Variants in GFPT2 observed in about 807,000 individuals in gnomAD.
GFPT2 encodes glutamine--fructose-6-phosphate aminotransferase [isomerizing] 2.
Under a neutral mutation model 85.6 loss-of-function variants are expected in GFPT2, and 62 were observed. That is an observed-to-expected ratio of 0.72 (90% CI 0.59 to 0.90). GFPT2 has a LOEUF of 0.90. Among genes scored for constraint, GFPT2 ranks in the 40% least tolerant of loss-of-function variants. GFPT2 has a pLI of 0.00. For synonymous variants in GFPT2, 368 were observed against 344.5 expected (o/e 1.07, Z -0.75); for missense variants, 788 against 893.4 (o/e 0.88, Z 1.50).
rs548098525 is a variant in GFPT2, at chr5:180,340,970, C to T, written c.8-2370G>A. ...GGAACAAACTCTCAGGCCACAACAG[C>T]GACTCGCCTCACTGAGAAGTCCCTG... On this transcript the variant is annotated intron_variant, in intron 1 of 18. Transcript: ENST00000253778. Among the ~76,000 whole-genome samples, 678 of 152,266 alleles carry T rather than the reference C, an allele frequency of 4.5e-3. 7 individuals are homozygous for T. The highest frequency in any genetic ancestry group is 0.015 in the African/African-American group (633 of 41,556).
intron 7 of GFPT2, among the ~76,000 whole-genome samples, chr5:180,325,969 G>A (rs1464586114): frequency 6.6e-6 from 1 of 152,212 alleles, no homozygotes; most frequent in Admixed American, 6.5e-5. Flanking sequence ...AGGTTGCAAT[G>A]AGCCGAGATC....
intron 13 of GFPT2, among the ~76,000 whole-genome samples, chr5:180,314,766 G>A (rs1227940391): frequency 6.6e-6 from 1 of 152,150 alleles, no homozygotes; most frequent in Non-Finnish European, 1.5e-5. Flanking sequence ...GTGAGGGTGC[G>A]GGAAAGGGGG....
intron 15 of GFPT2, among the ~76,000 whole-genome samples, chr5:180,309,749 A>T (rs1261343246): frequency 6.6e-6 from 1 of 151,926 alleles, no homozygotes; most frequent in Non-Finnish European, 1.5e-5. Flanking sequence ...CCATTTCATC[A>T]TAAAGGATAT....
chr5:180,307,048 A>G (rs1445715672), intron 16 of GFPT2, 128 bp downstream of exon 16: 1 of 697,788 alleles, frequency 1.4e-6, no homozygotes, highest in Non-Finnish European at 2.4e-6. Context: ...GCAGGCTCAC[A>G]GGACTGGCCA....
intron 1 of GFPT2, among the ~76,000 whole-genome samples, chr5:180,342,096 A>G (rs1764527736): frequency 6.6e-6 from 1 of 150,846 alleles, no homozygotes; most frequent in African/African-American, 2.4e-5. Flanking sequence ...CCCTGCACAC[A>G]CTCTCTTCTC....
intron 13 of GFPT2, among the ~76,000 whole-genome samples, chr5:180,314,696 C>T (rs1319541767): frequency 6.6e-6 from 1 of 152,174 alleles, no homozygotes; most frequent in African/African-American, 2.4e-5. Context: ...CCCAATTCTC[C>T]TCTGCTTTTC....
At chr5:180,351,621 G>T (rs902195998) in intron 1 of GFPT2, among the ~76,000 whole-genome samples, 1 of 152,218 alleles carries the variant, frequency 6.6e-6, no homozygotes, top group Non-Finnish European at 1.5e-5. Context: ...GAAGATACAG[G>T]TGGTCACACC....
Position 180,353,321 on chromosome 5 carries a change from T to A in GFPT2, c.-104A>T. 1.2e-6 allele frequency: 1 copy of A among 867,266 alleles called. No individual in the cohort carries two copies. The allele number at this position is 867,266 out of a possible 1,614,324, so 53.7% of individuals were successfully genotyped here. ...CGTGGGCTCCGTGGGCTCCGTGGGC[T>A]CCGCGGGCTCCAGCTCCCGTCCGCT... On this transcript the variant is annotated 5_prime_UTR_variant, in exon 1 of 19. Transcript: ENST00000253778.
At position 180,342,407 on chromosome 5, in the gene GFPT2, G is replaced by GTTTT. The variant is rs757456841; in HGVS notation, c.8-3811_8-3808dup. 2.2e-3 allele frequency among the ~76,000 whole-genome samples: 240 copies of GTTTT among 109,304 alleles called. 7 individuals are homozygous for GTTTT. The highest frequency in any genetic ancestry group is 7.6e-3 in the African/African-American group (213 of 27,874). 71.7% of individuals were successfully genotyped at this position (109,304 alleles called of 152,430 possible). A position where few individuals can be genotyped will look rare whatever the true frequency, so the allele number is the denominator to read the frequency against. On this transcript the variant is annotated intron_variant, in intron 1 of 18. Coordinates refer to ENST00000253778, the MANE Select transcript of GFPT2 (RefSeq NM_005110.4). ...ATCACCATTCATGTTTAGGTGAAAT[G>GTTTT]TTTTTTTTTTTTTTTTTTTTGAGAC... is the stretch of plus-strand genomic sequence containing the variant.
intron 18 of GFPT2, among the ~76,000 whole-genome samples, 184 bp downstream of exon 18, chr5:180,302,239 G>C (rs1464926877): frequency 6.6e-6 from 1 of 150,526 alleles, no homozygotes; most frequent in Non-Finnish European, 1.5e-5. Context: ...GTGAGCCGAG[G>C]TTGTGCCACT....
chr5:180,305,290 C>G (rs1475264415), intron 16 of GFPT2, among the ~76,000 whole-genome samples: 2 of 152,184 alleles, frequency 1.3e-5, no homozygotes, highest in African/African-American at 4.8e-5. Flanking sequence ...CCTAGCCAGC[C>G]ACGTGTATAA....
At chr5:180,321,762 GTTTTGTT>G (rs1417457095) in intron 9 of GFPT2, among the ~76,000 whole-genome samples, 1 of 9,692 alleles carries the variant, frequency 1.0e-4, no homozygotes, top group African/African-American at 1.2e-3. Context: ...AATATGGAGG[GTTTTGTT>G]TTGTTTTGTT....
Position 180,318,470 on chromosome 5 carries a change from T to A in GFPT2, c.958+323A>T. ...CCCCATTTACTGCAGACCTGCAGAC[T>A]TCCACCCAGAGGAGAAATGATGCCT... On this transcript the variant is annotated intron_variant, in intron 10 of 18. Coordinates refer to ENST00000253778, the MANE Select transcript of GFPT2 (RefSeq NM_005110.4). This position sits in a 1 kb window ranked among gnomAD's most constrained non-coding sequence, Gnocchi z 4.2. 1 of 312,708 alleles carries A rather than the reference T, an allele frequency of 3.2e-6. No homozygotes were observed. Among genetic ancestry groups the A allele is most frequent in the East Asian group, 6.5e-5 (1 of 15,350 alleles). The allele number at this position is 312,708 out of a possible 1,614,324, so 19.4% of individuals were successfully genotyped here.
chr5:180,342,312 C>A (rs1041860137), intron 1 of GFPT2, among the ~76,000 whole-genome samples: 2 of 151,680 alleles, frequency 1.3e-5, no homozygotes, highest in African/African-American at 4.8e-5. Flanking sequence ...AGACATAAGT[C>A]ATGTACCGTA....
chr5:180,334,984 C>T (rs996700985), intron 4 of GFPT2, among the ~76,000 whole-genome samples: 29 of 152,310 alleles, frequency 1.9e-4, no homozygotes, highest in African/African-American at 6.7e-4. Flanking sequence ...GAGAATCACG[C>T]GTGGAGAACT....
At chr5:180,302,305 G>C (rs1360878144) in intron 18 of GFPT2, 118 bp downstream of exon 18, 1 of 715,250 alleles carries the variant, frequency 1.4e-6, no homozygotes, top group Non-Finnish European at 2.1e-6. Context: ...AAAAAAGAAA[G>C]CTACTTTAAA....
intron 7 of GFPT2, among the ~76,000 whole-genome samples, chr5:180,327,687 T>C (rs191504871): frequency 5.8e-4 from 88 of 152,296 alleles, no homozygotes; most frequent in Admixed American, 5.8e-3. Context: ...GGATGGATGA[T>C]CAACCTATGT....
At chr5:180,303,227 CACA>C (rs1270550278) in intron 17 of GFPT2, among the ~76,000 whole-genome samples, 2 of 101,014 alleles carry the variant, frequency 2.0e-5, no homozygotes, top group East Asian at 5.7e-4. Context: ...CAGACTCCGT[CACA>C]AAAAAAAAAA....
Position 180,353,199 on chromosome 5 carries a change from C to A in GFPT2, c.7+12G>T. On this transcript the variant is annotated intron_variant, in intron 1 of 18. Transcript: ENST00000253778. ...GCGTGGAGGAGGCGGCTCGGGCGGG[C>A]GCGGCACTCACCGCACATCGTGGCT... 1 of 1,236,460 alleles carries A rather than the reference C, an allele frequency of 8.1e-7. No individual in the cohort carries two copies. The highest frequency in any genetic ancestry group is 4.2e-5 in the Admixed American group (1 of 23,872). The allele number at this position is 1,236,460 out of a possible 1,614,324, so 76.6% of individuals were successfully genotyped here.
Sources: allele counts gnomAD v4.1 joint callset (sites outside exome capture counted in the v4.1 genomes callset), GRCh38; gene constraint gnomAD v4.1.1; non-coding constraint Gnocchi (gnomAD v3.1); transcripts MANE v1.5; gene names NCBI Gene and HGNC (gene_info 2026-07-23, HGNC 2026-07-21).